Variants in FXR1 observed in about 807,000 individuals in gnomAD.
FXR1 encodes the protein FMR1 autosomal homolog 1.
In FXR1, 15 loss-of-function variants were observed where a neutral mutation model predicts 84.0. That is an observed-to-expected ratio of 0.18 (90% CI 0.12 to 0.27). FXR1 has a LOEUF of 0.27. Among genes scored for constraint, FXR1 ranks in the 10% least tolerant of loss-of-function variants. FXR1 has a pLI of 1.00. For missense variants in FXR1, 480 were observed against 774.4 expected, an observed-to-expected ratio of 0.62 and a Z score of 4.51; for synonymous variants, 245 against 250.7, an observed-to-expected ratio of 0.98 and a Z score of 0.21.
chr3:180,931,490 A>G (rs1719891999), intron 1 of FXR1, among the ~76,000 whole-genome samples: 1 of 152,074 alleles, frequency 6.6e-6, no homozygotes, highest in Admixed American at 6.5e-5. Flanking sequence ...AAGTGCTGGC[A>G]TTTCAGGCGT....
chr3:180,951,102 AT>A (rs909256985), intron 7 of FXR1, among the ~76,000 whole-genome samples, 195 bp from the exon 8 acceptor site: 59 of 152,026 alleles, frequency 3.9e-4, no homozygotes, highest in Admixed American at 2.2e-3. Context: ...GCGTGCCTGT[AT>A]TTCCAACTAT....
At chr3:180,973,138 T>A (rs1713793761) in intron 15 of FXR1, among the ~76,000 whole-genome samples, 1 of 152,242 alleles carries the variant, frequency 6.6e-6, no homozygotes, top group Non-Finnish European at 1.5e-5. Flanking sequence ...TTGTTAATTA[T>A]TAATCTGTAT....
In FXR1 at chr3:180,978,371, C is replaced by G. The variant is rs891326606; in HGVS notation, c.*2079C>G. The G allele has an allele frequency of 6.6e-6, 1 of 151,934 alleles. No homozygotes were observed. The highest frequency in any genetic ancestry group is 2.4e-5 in the African/African-American group (1 of 41,376). The allele number at this position is 151,934 out of a possible 1,614,324, so 9.4% of individuals were successfully genotyped here. ...TTCATTACTTTACAAATGACTAAACCCAATGTCTTGTCCTTTAAAAAATAT... is the reference window on the plus strand; with the variant it reads ...TTCATTACTTTACAAATGACTAAACGCAATGTCTTGTCCTTTAAAAAATAT... On this transcript the variant is annotated 3_prime_UTR_variant, in exon 17 of 17. Transcript: ENST00000357559.
At chr3:180,961,367 A>AAAG (rs1712084700) in intron 10 of FXR1, 101 bp from the exon 11 acceptor site, 8 of 116,518 alleles carry the variant, frequency 6.9e-5, no homozygotes, top group Non-Finnish European at 1.2e-4. Flanking sequence ...AAAAAAAAAA[A>AAAG]GGTGTGTGTG....
At chr3:180,943,265 C>CTTTTTTTTT (rs71182562) in intron 3 of FXR1, among the ~76,000 whole-genome samples, 5 of 27,638 alleles carry the variant, frequency 1.8e-4, no homozygotes, top group African/African-American at 6.9e-4. Context: ...CTGTGCCCGG[C>CTTTTTTTTT]TTTTTTTTTT....
chr3:180,966,383 G>GAAGT (rs916256489), intron 13 of FXR1, among the ~76,000 whole-genome samples: 11 of 152,266 alleles, frequency 7.2e-5, no homozygotes, highest in African/African-American at 2.4e-4. Context: ...AAGGAGAAAG[G>GAAGT]AAGTGAGGCA....
chr3:180,942,759 A>G (rs573257444), intron 3 of FXR1, among the ~76,000 whole-genome samples: 2 of 152,278 alleles, frequency 1.3e-5, no homozygotes, highest in South Asian at 4.2e-4. Context: ...TTGCAGAGTT[A>G]AGTAAAATCT....
rs749459783 is a variant in FXR1, at chr3:180,935,248, T to A, written c.198+17T>A. 31 of 1,105,646 alleles carry A rather than the reference T, an allele frequency of 2.8e-5. No homozygotes were observed. Among genetic ancestry groups the A allele is most frequent in the Non-Finnish European group, 4.3e-5 (31 of 726,396 alleles). The allele number at this position is 1,105,646 out of a possible 1,614,324, so 68.5% of individuals were successfully genotyped here. On this transcript the variant is annotated intron_variant, in intron 3 of 16. Transcript: ENST00000357559. ...GAAGTAGAGGTATGTATTTTTAAGT[T>A]TATTTTCTTGTGTCTATTTTTTTGA... is the stretch of plus-strand genomic sequence containing the variant.
intron 1 of FXR1, among the ~76,000 whole-genome samples, chr3:180,928,682 G>A (rs988448820): frequency 2.0e-5 from 3 of 152,062 alleles, no homozygotes; most frequent in Non-Finnish European, 4.4e-5. Context: ...GTTGCTGTAA[G>A]TAGAATTTTT....
intron 1 of FXR1, among the ~76,000 whole-genome samples, chr3:180,932,089 A>AAAAAG (rs930913742): frequency 6.6e-6 from 1 of 150,570 alleles, no homozygotes; most frequent in African/African-American, 2.4e-5. Context: ...AAAAAAAAAA[A>AAAAAG]ACAACTTTTT....
At chr3:180,948,244 G>C (rs920093617) in intron 4 of FXR1, 103 bp from the exon 5 acceptor site, 84 of 771,568 alleles carry the variant, frequency 1.1e-4, no homozygotes, top group Middle Eastern at 7.6e-4. Context: ...ATGCCACATG[G>C]GGGAGGGTCC....
intron 11 of FXR1, 98 bp downstream of exon 11, chr3:180,961,652 C>T (rs540156046): frequency 5.4e-5 from 32 of 589,312 alleles, no homozygotes; most frequent in African/African-American, 4.5e-4. Flanking sequence ...TCACATTAAA[C>T]ATTTTATATT....
At chr3:180,928,066 C>T (rs562140069) in intron 1 of FXR1, among the ~76,000 whole-genome samples, 1 of 149,768 alleles carries the variant, frequency 6.7e-6, no homozygotes, top group South Asian at 2.1e-4. Flanking sequence ...TAATTGGCTC[C>T]TGATTTCTCC....
intron 3 of FXR1, among the ~76,000 whole-genome samples, chr3:180,943,231 T>G (rs1002451661): frequency 1.4e-5 from 2 of 145,336 alleles, no homozygotes; most frequent in Non-Finnish European, 3.0e-5. Context: ...CATCCCGAAG[T>G]GCTGAGATTA....
At position 180,978,150 on chromosome 3, in the gene FXR1, TTTAA is replaced by T. The variant is rs1257134986; in HGVS notation, c.*1864_*1867del. 10 of 151,440 alleles carry T rather than the reference TTTAA, an allele frequency of 6.6e-5. No homozygotes were observed. The highest frequency in any genetic ancestry group is 1.0e-4 in the Non-Finnish European group (7 of 67,920). 9.4% of individuals were successfully genotyped at this position (151,440 alleles called of 1,614,324 possible). ...AAAAATTATAAGGTATTAGAAGAAT[TTTAA>T]TTAATGCCAAATTGGTAAATATGGT... On this transcript the variant is annotated 3_prime_UTR_variant, in exon 17 of 17. Transcript: ENST00000357559.
Position 180,915,452 on chromosome 3 carries a change from G to A in FXR1, c.51+2716G>A, listed in dbSNP as rs79782791. The A allele has an allele frequency of 2.4e-4, 304 of 1,288,858 alleles. 3 individuals are homozygous for A. Among genetic ancestry groups the A allele is most frequent in the South Asian group, 2.3e-3 (179 of 78,092 alleles). The allele number at this position is 1,288,858 out of a possible 1,614,324, so 79.8% of individuals were successfully genotyped here. A position where few individuals can be genotyped will look rare whatever the true frequency, so the allele number is the denominator to read the frequency against. On this transcript the variant is annotated intron_variant, in intron 1 of 16. Transcript: ENST00000357559. ...CTATATTGTGTAGTGTTTTGAGTCC[G>A]GCTTCCATTTAGCGTAGAAGCAATT...
chr3:180,968,873 AT>A (rs1482288117), intron 14 of FXR1, among the ~76,000 whole-genome samples: 1 of 152,212 alleles, frequency 6.6e-6, no homozygotes, highest in African/African-American at 2.4e-5. Context: ...TTTCCAGAAT[AT>A]CCTTGGTTAC....
At chr3:180,916,357 A>G (rs2030577203) in intron 1 of FXR1, among the ~76,000 whole-genome samples, 1 of 152,186 alleles carries the variant, frequency 6.6e-6, no homozygotes, top group Admixed American at 6.5e-5. Flanking sequence ...TTGTAATAGC[A>G]TTGCAATTTG....
intron 3 of FXR1, among the ~76,000 whole-genome samples, chr3:180,945,520 C>G (rs1479540889): frequency 1.3e-5 from 2 of 152,172 alleles, no homozygotes; most frequent in Non-Finnish European, 2.9e-5. Flanking sequence ...TCCTTCCACC[C>G]TAGCCTTCCA....
Sources: gnomAD v4.1 joint callset for allele counts (sites outside exome capture counted in the v4.1 genomes callset) on GRCh38, gnomAD v4.1.1 for gene constraint, MANE v1.5 for transcripts, NCBI Gene and HGNC (gene_info 2026-07-23, HGNC 2026-07-21) for gene names.